The following BCO1 variants were observed in gnomAD, a reference collection of about 807,000 sequenced individuals.
The protein encoded by BCO1 is beta,beta-carotene 15,15'-dioxygenase.
Under a neutral mutation model 56.3 loss-of-function variants are expected in BCO1, and 54 were observed. That is an observed-to-expected ratio of 0.96 (90% confidence interval 0.77 to 1.20). BCO1 has a LOEUF of 1.20. BCO1 is among the 50% of genes most tolerant of loss of function. The pLI is 0.00. For missense variants in BCO1, 801 were observed against 690.9 expected (o/e 1.16, Z -1.79); for synonymous variants, 318 against 266.1 (o/e 1.20, Z -1.90).
Position 81,239,047 on chromosome 16 carries a change from C to T in BCO1, c.64+75C>T, listed in dbSNP as rs961486571. 3.0e-5 allele frequency: 40 copies of T among 1,317,348 alleles called. 1 individual carries two copies. Among genetic ancestry groups the T allele is most frequent in the Admixed American group, 4.4e-5 (2 of 45,106 alleles). The allele number at this position is 1,317,348 out of a possible 1,614,324, so 81.6% of individuals were successfully genotyped here. Reference sequence around the variant, plus strand: ...TTTTTTTTTTTTTGAGGCGGAGTCTCGCTCTGTCGCCCGGGCTGGAGTCCA... The same window carrying T: ...TTTTTTTTTTTTTGAGGCGGAGTCTTGCTCTGTCGCCCGGGCTGGAGTCCA... On this transcript the variant is annotated intron_variant, in intron 1 of 10. Coordinates refer to ENST00000258168, the MANE Select transcript of BCO1 (RefSeq NM_017429.3).
In BCO1 at chr16:81,287,389, C is replaced by G. The variant is rs138223356; in HGVS notation, c.1397C>G (p.Ala466Gly). 2.5e-6 allele frequency: 4 copies of G among 1,613,728 alleles called. No individual in the cohort carries two copies. In the African/African-American group the frequency reaches 5.3e-5, roughly 22 times the overall value. Residue 466 changes from alanine to glycine, a missense_variant, in exon 10 of 11, where the codon GCC becomes GGC. By Grantham distance (60) the Ala-to-Gly change is moderately conservative. Coordinates refer to ENST00000258168, the MANE Select transcript of BCO1 (RefSeq NM_017429.3). Reference protein sequence around the residue: ...AEPLFVPAPGAKDEDDGVILS... With the variant: ...AEPLFVPAPGGKDEDDGVILS... ...CCCCTGTTTGTGCCCGCGCCAGGTG[C>G]CAAGGATGAGGATGACGGTAAGACT...
chr16:81,268,845 C>A (rs1436564404), intron 6 of BCO1, among the ~76,000 whole-genome samples: 3 of 150,922 alleles, frequency 2.0e-5, no homozygotes, highest in Non-Finnish European at 3.0e-5. Context: ...CTGGTACAAT[C>A]ACAGCTCAGT....
intron 5 of BCO1, among the ~76,000 whole-genome samples, chr16:81,265,140 C>G (rs1906731136): frequency 6.6e-6 from 1 of 151,952 alleles, no homozygotes; most frequent in East Asian, 1.9e-4. Flanking sequence ...GTCCATCTAT[C>G]CACCATTCAT....
chr16:81,290,154 C>T (rs965854895), intron 10 of BCO1, among the ~76,000 whole-genome samples, 194 bp from the exon 11 acceptor site: 8 of 152,168 alleles, frequency 5.3e-5, no homozygotes, highest in Non-Finnish European at 1.2e-4. Context: ...TGAGCCACCG[C>T]GCCCGGCCTA....
intron 10 of BCO1, 35 bp from the exon 11 acceptor site, chr16:81,290,313 C>T: frequency 6.4e-7 from 1 of 1,566,116 alleles, no homozygotes; most frequent in Non-Finnish European, 8.8e-7. Context: ...GAAGCCTGCA[C>T]TTTTACGAAG....
chr16:81,255,380 A>C (rs1906066870), intron 2 of BCO1, among the ~76,000 whole-genome samples: 1 of 152,240 alleles, frequency 6.6e-6, no homozygotes, highest in Admixed American at 6.5e-5. Context: ...ATAAGTCTGC[A>C]GGGCTGTGAG....
chr16:81,273,232 C>T (rs1038196215), intron 7 of BCO1, among the ~76,000 whole-genome samples: 3 of 152,164 alleles, frequency 2.0e-5, no homozygotes, highest in Non-Finnish European at 2.9e-5. Flanking sequence ...ATCCACCCAC[C>T]TCGGCCTTCC....
intron 2 of BCO1, among the ~76,000 whole-genome samples, chr16:81,252,772 C>T (rs1905889556): frequency 2.0e-5 from 3 of 152,184 alleles, no homozygotes. Context: ...CCGCCTGCCA[C>T]CCGGATTTTC....
At chr16:81,265,829 TCATC>T (rs1260440994) in intron 5 of BCO1, among the ~76,000 whole-genome samples, 3 of 97,744 alleles carry the variant, frequency 3.1e-5, no homozygotes, top group African/African-American at 1.3e-4. Context: ...CATCCATCAT[TCATC>T]CATCTACCCA....
At chr16:81,287,014 G>A (rs545573654) in intron 9 of BCO1, among the ~76,000 whole-genome samples, 2 of 152,100 alleles carry the variant, frequency 1.3e-5, no homozygotes, top group Non-Finnish European at 2.9e-5. Context: ...GGCCGAGGTT[G>A]CAGTGAGCCA....
Position 81,287,996 on chromosome 16 carries a change from G to A in BCO1, c.1414+590G>A, listed in dbSNP as rs555519325. Among the ~76,000 whole-genome samples, 21 of 152,144 alleles carry A rather than the reference G, an allele frequency of 1.4e-4. No homozygotes were observed. The East Asian group carries it at 3.7e-3, about 27-fold the overall frequency. Reference sequence around the variant, plus strand: ...CCTGGAGATCAAGTTCATACCACACGGCACAAGGCCCCACCATAAATCCCA... The same window carrying A: ...CCTGGAGATCAAGTTCATACCACACAGCACAAGGCCCCACCATAAATCCCA... On this transcript the variant is annotated intron_variant, in intron 10 of 10. Transcript: ENST00000258168.
At chr16:81,239,678 G>A (rs1011312738) in intron 1 of BCO1, among the ~76,000 whole-genome samples, 1 of 152,212 alleles carries the variant, frequency 6.6e-6, no homozygotes, top group African/African-American at 2.4e-5. Flanking sequence ...ACGCACACTT[G>A]CAGGGGATTG....
At chr16:81,239,572 C>G (rs1178751451) in intron 1 of BCO1, among the ~76,000 whole-genome samples, 1 of 152,148 alleles carries the variant, frequency 6.6e-6, no homozygotes, top group Non-Finnish European at 1.5e-5. Context: ...CTGCCTGTCT[C>G]AGATGCATGA....
intron 1 of BCO1, among the ~76,000 whole-genome samples, chr16:81,240,373 C>G (rs186699714): frequency 8.8e-4 from 134 of 151,778 alleles, no homozygotes; most frequent in African/African-American, 2.8e-3. Context: ...TTTTTTTTCT[C>G]AATTTGACTG....
intron 7 of BCO1, among the ~76,000 whole-genome samples, chr16:81,273,948 A>T (rs867913445): frequency 6.6e-6 from 1 of 152,216 alleles, no homozygotes; most frequent in Non-Finnish European, 1.5e-5. Flanking sequence ...TTTCTCCCCT[A>T]TGTGACTCAG....
intron 4 of BCO1, among the ~76,000 whole-genome samples, chr16:81,264,419 GGTT>G (rs1906680983): frequency 6.6e-6 from 1 of 152,162 alleles, no homozygotes; most frequent in Admixed American, 6.5e-5. Flanking sequence ...CCCCATGTGA[GGTT>G]GTATAAGGTC....
intron 8 of BCO1, among the ~76,000 whole-genome samples, chr16:81,281,833 C>G (rs1307604122): frequency 6.6e-6 from 1 of 152,178 alleles, no homozygotes; most frequent in Non-Finnish European, 1.5e-5. Context: ...AGACCCCCAT[C>G]CTGAATTGGA....
At chr16:81,249,071 T>A (rs1597347220) in intron 2 of BCO1, among the ~76,000 whole-genome samples, 1 of 149,256 alleles carries the variant, frequency 6.7e-6, no homozygotes, top group East Asian at 2.0e-4. Context: ...GGCTGCCAGC[T>A]CCTCCATGGT....
intron 2 of BCO1, among the ~76,000 whole-genome samples, chr16:81,258,275 G>T (rs116374630): frequency 1.3e-3 from 202 of 152,230 alleles, no homozygotes; most frequent in African/African-American, 4.8e-3. Context: ...AACTAACACG[G>T]GTCTAGAACC....
Sources: allele counts gnomAD v4.1 joint callset (sites outside exome capture counted in the v4.1 genomes callset), GRCh38; gene constraint gnomAD v4.1.1; transcripts MANE v1.5; gene names NCBI Gene and HGNC (gene_info 2026-07-23, HGNC 2026-07-21).